The following SMYD3 variants were observed in gnomAD, a reference collection of about 807,000 sequenced individuals.
The protein encoded by SMYD3 is SET and MYND domain containing 3, also known as histone-lysine N-methyltransferase SMYD3.
SMYD3 carries 36 observed loss-of-function variants against 57.7 expected under a neutral mutation model. That is an observed-to-expected ratio of 0.62 (90% CI 0.48 to 0.82). The LOEUF (loss-of-function observed/expected upper bound fraction) is 0.82. Ranked by LOEUF, SMYD3 falls within the 40% of genes least tolerant of loss-of-function variation. The probability of loss-of-function intolerance (pLI) is 0.00; values close to 1 mark genes in which losing one functional copy is unlikely to be tolerated. For missense variants in SMYD3, 515 were observed against 538.8 expected (o/e 0.96, Z 0.44); for synonymous variants, 211 against 195.0 (o/e 1.08, Z -0.68).
At chr1:246,468,341 T>G (rs1485515878) in intron 1 of SMYD3, among the ~76,000 whole-genome samples, 1 of 152,038 alleles carries the variant, frequency 6.6e-6, no homozygotes, top group Non-Finnish European at 1.5e-5. Context: ...TCAATATGCC[T>G]TTTTAAAAAC....
At chr1:245,835,939 C>A (rs749831809) in intron 10 of SMYD3, among the ~76,000 whole-genome samples, 23 of 152,066 alleles carry the variant, frequency 1.5e-4, no homozygotes, top group Non-Finnish European at 2.8e-4. Context: ...AAGAGGACAG[C>A]GAAAACTTGC....
At chr1:246,403,896 A>G (rs2066816303) in intron 1 of SMYD3, among the ~76,000 whole-genome samples, 1 of 152,230 alleles carries the variant, frequency 6.6e-6, no homozygotes, top group South Asian at 2.1e-4. Context: ...CATAGAAAAC[A>G]TATACAAAGC....
chr1:246,310,248 G>A (rs796299770), intron 5 of SMYD3, among the ~76,000 whole-genome samples: 3 of 151,956 alleles, frequency 2.0e-5, no homozygotes, highest in African/African-American at 4.8e-5. Flanking sequence ...AAGAGAAATC[G>A]GAGGCAAGTC....
intron 5 of SMYD3, among the ~76,000 whole-genome samples, chr1:246,115,633 G>C (rs1453197884): frequency 2.6e-5 from 4 of 152,214 alleles, no homozygotes; most frequent in Non-Finnish European, 4.4e-5. Flanking sequence ...GGTTTCACTG[G>C]ACGGCAGTGC....
At chr1:246,074,683 T>C (rs1471181340) in intron 5 of SMYD3, among the ~76,000 whole-genome samples, 1 of 152,166 alleles carries the variant, frequency 6.6e-6, no homozygotes, top group African/African-American at 2.4e-5. Context: ...ATCTGCAGCT[T>C]CTTAAAGAAA....
chr1:246,065,828 C>T (rs2148366963), intron 5 of SMYD3, among the ~76,000 whole-genome samples: 1 of 152,270 alleles, frequency 6.6e-6, no homozygotes. Flanking sequence ...ATAGATTCCA[C>T]CTAAGAAAGG....
In SMYD3 at chr1:246,085,054, A is replaced by G. The variant is rs142651918; in HGVS notation, c.532-155117T>C. ...TGTTTTACTCCTAATGCAGCTTTAAAGCTGTACATCCTAAAGAATATTGCA... is the reference window on the plus strand; with the variant it reads ...TGTTTTACTCCTAATGCAGCTTTAAGGCTGTACATCCTAAAGAATATTGCA... On this transcript the variant is annotated intron_variant, in intron 5 of 11. Coordinates refer to ENST00000490107, the MANE Select transcript of SMYD3 (RefSeq NM_001167740.2). Among the ~76,000 whole-genome samples, 864 of 152,340 alleles carry G rather than the reference A, an allele frequency of 5.7e-3. 7 individuals are homozygous for G. The highest frequency in any genetic ancestry group is 0.02 in the African/African-American group (823 of 41,586).
At chr1:245,774,962 C>T (rs1400763791) in intron 10 of SMYD3, among the ~76,000 whole-genome samples, 8 of 152,266 alleles carry the variant, frequency 5.3e-5, no homozygotes, top group South Asian at 4.1e-4. Flanking sequence ...CTCGGCCTCC[C>T]GGAGGTGCAG....
At chr1:246,501,241 T>C (rs10158851) in intron 1 of SMYD3, among the ~76,000 whole-genome samples, 97,328 of 152,124 alleles carry the variant, frequency 0.64, 31,411 homozygotes, top group East Asian at 0.89. Flanking sequence ...AAGTGCTTCC[T>C]TGTCTCCACT....
At chr1:246,438,992 G>A (rs1353864643) in intron 1 of SMYD3, among the ~76,000 whole-genome samples, 7 of 151,810 alleles carry the variant, frequency 4.6e-5, no homozygotes, top group African/African-American at 1.5e-4. Context: ...CAGGCCATGG[G>A]AGTGGTACCG....
intron 5 of SMYD3, among the ~76,000 whole-genome samples, chr1:246,240,885 C>G (rs1232675162): frequency 6.6e-6 from 1 of 151,732 alleles, no homozygotes; most frequent in Non-Finnish European, 1.5e-5. Flanking sequence ...TGATTTGGCT[C>G]TCTGTTTGTC....
In SMYD3 at chr1:245,889,866, G is replaced by T. The variant is rs143735614; in HGVS notation, c.813+25664C>A. Among the ~76,000 whole-genome samples, 1,099 of 152,226 alleles carry T rather than the reference G, an allele frequency of 7.2e-3. 15 individuals are homozygous for T. The highest frequency in any genetic ancestry group is 0.023 in the African/African-American group (943 of 41,518). On this transcript the variant is annotated intron_variant, in intron 8 of 11. Coordinates refer to ENST00000490107, the MANE Select transcript of SMYD3 (RefSeq NM_001167740.2). ...CTACAGAGCTATAGTAACCAAAACAGCATGGTACTGGCATAAAAACAGACA... is the reference window on the plus strand; with the variant it reads ...CTACAGAGCTATAGTAACCAAAACATCATGGTACTGGCATAAAAACAGACA...
At chr1:245,915,855 A>G (rs2055373017) in intron 7 of SMYD3, among the ~76,000 whole-genome samples, 1 of 152,192 alleles carries the variant, frequency 6.6e-6, no homozygotes, top group Non-Finnish European at 1.5e-5. Context: ...TGGTAAATAT[A>G]TATGTATCAT....
At chr1:246,382,966 G>C (rs1186115590) in intron 1 of SMYD3, among the ~76,000 whole-genome samples, 4 of 152,030 alleles carry the variant, frequency 2.6e-5, no homozygotes, top group African/African-American at 4.8e-5. Flanking sequence ...TCAGTCAACA[G>C]ACTCACCCAG....
At chr1:246,194,497 G>A (rs529580450) in intron 5 of SMYD3, among the ~76,000 whole-genome samples, 37 of 152,192 alleles carry the variant, frequency 2.4e-4, no homozygotes, top group South Asian at 1.2e-3. Context: ...TCGAACTCCC[G>A]ACCTCGTGTT....
chr1:245,925,294 T>C (rs1047096386), intron 7 of SMYD3, among the ~76,000 whole-genome samples: 1 of 152,210 alleles, frequency 6.6e-6, no homozygotes, highest in East Asian at 1.9e-4. Context: ...GATCAAGTGA[T>C]GGTATTTAGG....
At chr1:245,765,077 C>CACACACACACACACACAAAAAAAAAA (rs554434672) in intron 10 of SMYD3, among the ~76,000 whole-genome samples, 1 of 128,352 alleles carries the variant, frequency 7.8e-6, no homozygotes, top group African/African-American at 3.1e-5. Context: ...CACACACACA[C>CACACACACACACACACAAAAAAAAAA]AAAACCACAG....
At chr1:246,114,603 T>C (rs1279010310) in intron 5 of SMYD3, among the ~76,000 whole-genome samples, 1 of 152,170 alleles carries the variant, frequency 6.6e-6, no homozygotes, top group Non-Finnish European at 1.5e-5. Context: ...GTGCCGGCCA[T>C]TGCTTCCCGC....
rs555116442 is a variant in SMYD3 at position 246,483,099 on chromosome 1, A to G, written c.164+23955T>C. ...AGGATTTACTGTTCATAACAACAAA[A>G]CTAATTTTCTACTGTACCCAGACGA... On this transcript the variant is annotated intron_variant, in intron 1 of 11. Transcript: ENST00000490107. 5.3e-5 allele frequency among the ~76,000 whole-genome samples: 8 copies of G among 152,262 alleles called. No homozygotes were observed. In the South Asian group the frequency reaches 1.7e-3, roughly 32 times the overall value.
Sources: gnomAD v4.1 joint callset for allele counts (sites outside exome capture counted in the v4.1 genomes callset) on GRCh38, gnomAD v4.1.1 for gene constraint, MANE v1.5 for transcripts, NCBI Gene and HGNC (gene_info 2026-07-23, HGNC 2026-07-21) for gene names.